Variants in JPH1 observed in about 807,000 individuals in gnomAD.
JPH1 encodes the protein junctophilin 1.
Under a neutral mutation model 53.6 loss-of-function variants are expected in JPH1, and 12 were observed. The ratio of observed to expected loss-of-function variants is 0.22; its 90% CI spans 0.14 to 0.36. The LOEUF (loss-of-function observed/expected upper bound fraction) is 0.36, where lower values mean the gene tolerates loss of function less well. JPH1 is among the 10% of genes least tolerant of loss of function. The pLI is 1.00. For synonymous variants in JPH1, 375 were observed against 363.8 expected (o/e 1.03, Z -0.35); for missense variants, 808 against 905.5 (o/e 0.89, Z 1.38).
intron 3 of JPH1, among the ~76,000 whole-genome samples, chr8:74,253,346 A>G (rs1049109789): frequency 5.9e-5 from 9 of 152,244 alleles, no homozygotes; most frequent in Admixed American, 5.2e-4. Context: ...GAAACCAGTG[A>G]GAACAAAGAC....
chr8:74,240,587 A>C (rs1805667305), intron 4 of JPH1, among the ~76,000 whole-genome samples: 1 of 152,212 alleles, frequency 6.6e-6, no homozygotes, highest in Non-Finnish European at 1.5e-5. Flanking sequence ...TTCCACCTGT[A>C]CTACTACACA....
At chr8:74,295,860 C>T (rs1807493923) in intron 2 of JPH1, among the ~76,000 whole-genome samples, 1 of 152,144 alleles carries the variant, frequency 6.6e-6, no homozygotes, top group African/African-American at 2.4e-5. Flanking sequence ...ACCTCCAAAA[C>T]TGCAACTCAT....
At chr8:74,298,105 A>C (rs1807573297) in intron 2 of JPH1, among the ~76,000 whole-genome samples, 2 of 152,166 alleles carry the variant, frequency 1.3e-5, no homozygotes, top group South Asian at 4.1e-4. Flanking sequence ...ATTTTGATGT[A>C]TTCATATCCT....
Position 74,300,530 on chromosome 8 carries a change from C to T in JPH1, c.1139+14331G>A, listed in dbSNP as rs1029217579. Reference sequence around the variant, plus strand: ...GAATAACTGGTAAGTGAGTTGTGTGCGTGGAATGTTTACTGCTACTTCAAA... The same window carrying T: ...GAATAACTGGTAAGTGAGTTGTGTGTGTGGAATGTTTACTGCTACTTCAAA... On this transcript the variant is annotated intron_variant, in intron 2 of 5. Coordinates refer to ENST00000342232, the MANE Select transcript of JPH1 (RefSeq NM_020647.4). 9.9e-5 allele frequency among the ~76,000 whole-genome samples: 15 copies of T among 152,184 alleles called. No homozygotes were observed. In the South Asian group the frequency reaches 1.0e-3, roughly 11 times the overall value.
intron 3 of JPH1, among the ~76,000 whole-genome samples, chr8:74,258,760 A>T (rs1345897424): frequency 6.6e-6 from 1 of 152,194 alleles, no homozygotes; most frequent in East Asian, 1.9e-4. Context: ...AATTTCTTAG[A>T]ATCAGATATT....
Position 74,236,346 on chromosome 8 carries a change from G to A in JPH1, c.*705C>T, listed in dbSNP as rs1485444401. ...CCTTGAGATGCAACACGTGTGTTTC[G>A]TCCGGCCAGGACCGCAGGTGGTAGA... is the stretch of plus-strand genomic sequence containing the variant. On this transcript the variant is annotated 3_prime_UTR_variant, in exon 6 of 6. Coordinates refer to ENST00000342232, the MANE Select transcript of JPH1 (RefSeq NM_020647.4). 1 of 152,206 alleles carries A rather than the reference G, an allele frequency of 6.6e-6. No homozygotes were observed. The highest frequency in any genetic ancestry group is 2.1e-4 in the South Asian group (1 of 4,822). 9.4% of individuals were successfully genotyped at this position (152,206 alleles called of 1,614,324 possible). A position where few individuals can be genotyped will look rare whatever the true frequency, so the allele number is the denominator to read the frequency against.
chr8:74,276,667 G>A (rs540065553), intron 2 of JPH1, among the ~76,000 whole-genome samples: 5 of 152,268 alleles, frequency 3.3e-5, no homozygotes, highest in Middle Eastern at 3.4e-3. Context: ...GGTGAGTGGC[G>A]GAAGCAAGGG....
chr8:74,321,146 C>T lies in JPH1; in HGVS notation c.142G>A (p.Val48Met). ...CTGGGCCAGGTGTAGCCTCCGACCACCTCGAAGCCGTGCGACCAGGAGCCC... is the reference window on the plus strand; with the variant it reads ...CTGGGCCAGGTGTAGCCTCCGACCATCTCGAAGCCGTGCGACCAGGAGCCC... ...YSGSWSHGFE[V>M]VGGYTWPSGN... Residue 48 changes from valine (V) to methionine (M), a missense_variant, in exon 1 of 6, where the codon GTG becomes ATG. Around this residue, in one of 2 missense-constraint regions of JPH1, gnomAD observed 52 missense variants for 93.6 expected, o/e 0.56. Coordinates refer to ENST00000342232, the MANE Select transcript of JPH1 (RefSeq NM_020647.4). This position sits in a 1 kb window ranked among gnomAD's most constrained non-coding sequence, Gnocchi z 4.3. The T allele has an allele frequency of 6.2e-7, 1 of 1,613,498 alleles. No individual in the cohort carries two copies. The highest frequency in any genetic ancestry group is 1.1e-5 in the South Asian group (1 of 91,010).
At chr8:74,296,771 T>A (rs889083781) in intron 2 of JPH1, among the ~76,000 whole-genome samples, 1 of 152,196 alleles carries the variant, frequency 6.6e-6, no homozygotes, top group African/African-American at 2.4e-5. Context: ...ATTGTATATA[T>A]TTATAGCGTA....
rs544672554 is a variant in JPH1, at chr8:74,234,845, C to T, written c.*2206G>A. 6.6e-6 allele frequency: 1 copy of T among 152,642 alleles called. No individual in the cohort carries two copies. Among genetic ancestry groups the T allele is most frequent in the African/African-American group, 2.4e-5 (1 of 41,532 alleles). 9.5% of individuals were successfully genotyped at this position (152,642 alleles called of 1,614,324 possible). ...GCAAGAAACTTTAAATAAACAAAGT[C>T]ATGTTTTATTAAGTACATTGGCAGA... On this transcript the variant is annotated 3_prime_UTR_variant, in exon 6 of 6. Coordinates refer to ENST00000342232, the MANE Select transcript of JPH1 (RefSeq NM_020647.4).
chr8:74,314,038 C>T (rs1808069103), intron 2 of JPH1, among the ~76,000 whole-genome samples: 1 of 152,176 alleles, frequency 6.6e-6, no homozygotes. Context: ...ATACACCCCA[C>T]TTGTCAATCT....
chr8:74,271,786 C>G (rs1806707946), intron 2 of JPH1, among the ~76,000 whole-genome samples: 1 of 152,148 alleles, frequency 6.6e-6, no homozygotes, highest in South Asian at 2.1e-4. Flanking sequence ...TGTGGGCTGA[C>G]CAGTAACCCT....
At chr8:74,274,294 G>A (rs925530177) in intron 2 of JPH1, among the ~76,000 whole-genome samples, 1 of 152,154 alleles carries the variant, frequency 6.6e-6, no homozygotes, top group Non-Finnish European at 1.5e-5. Context: ...ACTGAATTGA[G>A]AAACGTGAAC....
intron 2 of JPH1, among the ~76,000 whole-genome samples, chr8:74,288,531 T>G: frequency 6.7e-6 from 1 of 149,486 alleles, no homozygotes; most frequent in Admixed American, 6.7e-5. Context: ...GTGGGAAGAG[T>G]AAGAAAATGG....
At chr8:74,296,881 T>G (rs1232207818) in intron 2 of JPH1, among the ~76,000 whole-genome samples, 1 of 152,180 alleles carries the variant, frequency 6.6e-6, no homozygotes. Flanking sequence ...GCTTGAAAAC[T>G]TAAAACTTTT....
chr8:74,303,647 G>A (rs1259943361), intron 2 of JPH1, among the ~76,000 whole-genome samples: 2 of 152,092 alleles, frequency 1.3e-5, no homozygotes, highest in African/African-American at 2.4e-5. Flanking sequence ...GCAGTGGCGT[G>A]ATCATAGCTC....
rs571686060 is a variant in JPH1, at chr8:74,252,049, C to T, written c.1259-6874G>A. ...TACAACTATCTGATCTTTGACAAAC[C>T]TGACAAAAACAAGAAATGGGGAAAG... On this transcript the variant is annotated intron_variant, in intron 3 of 5. Coordinates refer to ENST00000342232, the MANE Select transcript of JPH1 (RefSeq NM_020647.4). Among the ~76,000 whole-genome samples the T allele has an allele frequency of 3.0e-3, 463 of 152,240 alleles. 2 individuals are homozygous for T. Among genetic ancestry groups the T allele is most frequent in the African/African-American group, 0.01 (431 of 41,540 alleles).
rs939449359 is a variant in JPH1, at chr8:74,250,177, C to T, written c.1259-5002G>A. 3.3e-5 allele frequency among the ~76,000 whole-genome samples: 5 copies of T among 151,534 alleles called. No homozygotes were observed. In the East Asian group the frequency reaches 9.7e-4, roughly 29 times the overall value. On this transcript the variant is annotated intron_variant, in intron 3 of 5. Transcript: ENST00000342232. The stretch of plus-strand genomic sequence containing the variant: ...TGAGACGGAGTCTTGCTCTGTCACC[C>T]AGGCTGGAGTAAGTGGCACCATCCT...
chr8:74,280,018 G>GT (rs1481297710), intron 2 of JPH1, among the ~76,000 whole-genome samples: 2 of 152,032 alleles, frequency 1.3e-5, no homozygotes, highest in Admixed American at 1.3e-4. Flanking sequence ...AAGCATAGAG[G>GT]TATCAGATTC....
Sources: allele counts gnomAD v4.1 joint callset (sites outside exome capture counted in the v4.1 genomes callset), GRCh38; gene constraint gnomAD v4.1.1; regional missense constraint gnomAD v4.1.1; non-coding constraint Gnocchi (gnomAD v3.1); transcripts MANE v1.5; gene names NCBI Gene and HGNC (gene_info 2026-07-23, HGNC 2026-07-21).